CALCRL: variants seen among roughly 807,000 people sequenced by gnomAD.
CALCRL encodes the protein calcitonin gene-related peptide type 1 receptor.
Under a neutral mutation model 60.4 loss-of-function variants are expected in CALCRL, and 27 were observed. That is an observed-to-expected ratio of 0.45 (90% confidence interval 0.33 to 0.62). The LOEUF (loss-of-function observed/expected upper bound fraction) is 0.62. Ranked by LOEUF, CALCRL falls within the 20% of genes least tolerant of loss-of-function variation. The pLI is 0.03. For synonymous variants in CALCRL, 190 were observed against 182.6 expected (o/e 1.04, Z -0.33); for missense variants, 424 against 540.7 (o/e 0.78, Z 2.14).
intron 1 of CALCRL, among the ~76,000 whole-genome samples, chr2:187,410,814 C>G (rs1689324406): frequency 6.6e-6 from 1 of 151,666 alleles, no homozygotes; most frequent in Non-Finnish European, 1.5e-5. Flanking sequence ...TAATCTGTGC[C>G]TTTGTACTTT....
intron 1 of CALCRL, among the ~76,000 whole-genome samples, chr2:187,421,349 T>C (rs1039400455): frequency 4.6e-5 from 7 of 152,296 alleles, no homozygotes; most frequent in African/African-American, 1.7e-4. Context: ...AAATAACTCA[T>C]AAATTCCTAC....
chr2:187,363,151 A>G (rs1687129873), intron 9 of CALCRL, among the ~76,000 whole-genome samples: 1 of 152,112 alleles, frequency 6.6e-6, no homozygotes, highest in Non-Finnish European at 1.5e-5. Flanking sequence ...TACTGAGAAT[A>G]CTCTGAGGGA....
intron 9 of CALCRL, 80 bp downstream of exon 9, chr2:187,363,296 T>C: frequency 7.4e-7 from 1 of 1,349,538 alleles, no homozygotes; most frequent in African/African-American, 1.5e-5. Flanking sequence ...TACTTAATTA[T>C]ACACATTATG....
rs1686162563 is a variant in CALCRL, at chr2:187,343,449, A to G, written c.*2735T>C. 6.6e-6 allele frequency: 1 copy of G among 151,956 alleles called. No individual in the cohort carries two copies. The highest frequency in any genetic ancestry group is 2.4e-5 in the African/African-American group (1 of 41,422). The allele number at this position is 151,956 out of a possible 1,614,324, so 9.4% of individuals were successfully genotyped here. ...AGCAGATTAAAACCAAGAGAAAATTAAAAGTAAGTTCACATTTAAAAAAAA... is the reference window on the plus strand; with the variant it reads ...AGCAGATTAAAACCAAGAGAAAATTGAAAGTAAGTTCACATTTAAAAAAAA... On this transcript the variant is annotated 3_prime_UTR_variant, in exon 15 of 15. Transcript: ENST00000392370.
At chr2:187,379,538 T>C (rs1687903548) in intron 7 of CALCRL, among the ~76,000 whole-genome samples, 1 of 152,142 alleles carries the variant, frequency 6.6e-6, no homozygotes, top group Non-Finnish European at 1.5e-5. Flanking sequence ...ATGTGTTCTT[T>C]CTCATGGTTT....
At chr2:187,384,078 C>T (rs2105787059) in intron 4 of CALCRL, among the ~76,000 whole-genome samples, 1 of 152,180 alleles carries the variant, frequency 6.6e-6, no homozygotes. Context: ...TCCTATCCTT[C>T]CTTTGCCTCC....
intron 1 of CALCRL, chr2:187,428,662 G>A (rs987232839): frequency 3.3e-5 from 5 of 152,312 alleles, no homozygotes; most frequent in Non-Finnish European, 5.9e-5. Flanking sequence ...GGGAGGCCAA[G>A]GCGGGTGGAT....
chr2:187,395,983 G>T (rs181237835), intron 1 of CALCRL, among the ~76,000 whole-genome samples: 21 of 150,102 alleles, frequency 1.4e-4, no homozygotes, highest in Non-Finnish European at 2.5e-4. Flanking sequence ...GTAACCTAAA[G>T]CCAAAATAGC....
chr2:187,435,173 C>T (rs747886858), intron 1 of CALCRL, among the ~76,000 whole-genome samples: 9 of 152,102 alleles, frequency 5.9e-5, no homozygotes, highest in Non-Finnish European at 1.0e-4. Flanking sequence ...AATTGGCTCA[C>T]GGTTCTGCAG....
chr2:187,385,825 ACTGC>A, intron 3 of CALCRL, among the ~76,000 whole-genome samples, 194 bp from the exon 4 acceptor site: 1 of 152,206 alleles, frequency 6.6e-6, no homozygotes, highest in South Asian at 2.1e-4. Context: ...ATCTTGGCTC[ACTGC>A]AGCCTGGACT....
chr2:187,406,533 A>C (rs1305660753), intron 1 of CALCRL, among the ~76,000 whole-genome samples: 1 of 152,046 alleles, frequency 6.6e-6, no homozygotes, highest in Non-Finnish European at 1.5e-5. Context: ...AAGAAAATAA[A>C]AGAAAAGGAA....
intron 3 of CALCRL, among the ~76,000 whole-genome samples, chr2:187,386,444 T>C (rs943029720): frequency 2.0e-5 from 3 of 152,162 alleles, no homozygotes; most frequent in African/African-American, 7.2e-5. Flanking sequence ...TTTTTTAAAA[T>C]TAGGAAATAA....
chr2:187,434,743 T>C (rs1690558597), intron 1 of CALCRL, among the ~76,000 whole-genome samples: 1 of 152,150 alleles, frequency 6.6e-6, no homozygotes, highest in African/African-American at 2.4e-5. Context: ...TTGTGTTACA[T>C]TCATACAATG....
chr2:187,422,149 G>T (rs1689901602), intron 1 of CALCRL, among the ~76,000 whole-genome samples: 1 of 152,072 alleles, frequency 6.6e-6, no homozygotes, highest in African/African-American at 2.4e-5. Context: ...TATCCACAGG[G>T]CAAGTGTTTT....
At chr2:187,349,089 C>T (rs1686409256) in intron 14 of CALCRL, among the ~76,000 whole-genome samples, 1 of 151,552 alleles carries the variant, frequency 6.6e-6, no homozygotes, top group Admixed American at 6.6e-5. Flanking sequence ...ACGTAGTTCT[C>T]ATGAAAGAAT....
chr2:187,352,015 G>A (rs1457476594), intron 13 of CALCRL, 54 bp from the exon 14 acceptor site: 1 of 1,543,320 alleles, frequency 6.5e-7, no homozygotes, highest in Non-Finnish European at 8.9e-7. Flanking sequence ...ACATGTATTT[G>A]TAATCAAATA....
intron 14 of CALCRL, among the ~76,000 whole-genome samples, chr2:187,348,335 A>T (rs1686372545): frequency 2.0e-5 from 3 of 151,604 alleles, no homozygotes; most frequent in South Asian, 2.1e-4. Context: ...TTTGATCCTT[A>T]TTTTTTGTTT....
chr2:187,361,271 G>A (rs906227303), intron 9 of CALCRL, among the ~76,000 whole-genome samples: 1 of 151,924 alleles, frequency 6.6e-6, no homozygotes. Context: ...TGGAGTCTGA[G>A]GGCTTTGTGT....
At chr2:187,425,181 C>A (rs1487383103) in intron 1 of CALCRL, among the ~76,000 whole-genome samples, 1 of 151,774 alleles carries the variant, frequency 6.6e-6, no homozygotes, top group Non-Finnish European at 1.5e-5. Context: ...AAGGTCAATT[C>A]ATTTTGGAAA....
Sources: allele counts gnomAD v4.1 joint callset (sites outside exome capture counted in the v4.1 genomes callset), GRCh38; gene constraint gnomAD v4.1.1; transcripts MANE v1.5; gene names NCBI Gene and HGNC (gene_info 2026-07-23, HGNC 2026-07-21).